DLGAP1: variants seen among roughly 807,000 people sequenced by gnomAD.
The protein encoded by DLGAP1 is DLG associated protein 1.
DLGAP1 carries 11 observed loss-of-function variants against 90.8 expected under a neutral mutation model. The ratio of observed to expected loss-of-function variants is 0.12; its 90% CI spans 0.08 to 0.20. The LOEUF (loss-of-function observed/expected upper bound fraction) is 0.20. DLGAP1 is among the 10% of genes least tolerant of loss of function. The probability of loss-of-function intolerance (pLI) is 1.00; values close to 1 mark genes in which losing one functional copy is unlikely to be tolerated. For missense variants in DLGAP1, 1,050 were observed against 1,333.8 expected, an observed-to-expected ratio of 0.79 and a Z score of 3.31; for synonymous variants, 558 against 540.7, an observed-to-expected ratio of 1.03 and a Z score of -0.44.
chr18:4,122,080 T>C (rs919669524), intron 2 of DLGAP1, among the ~76,000 whole-genome samples: 2 of 152,146 alleles, frequency 1.3e-5, no homozygotes, highest in Non-Finnish European at 1.5e-5. Flanking sequence ...CATGTGGAAG[T>C]GAGCAGGCTA....
Position 4,418,610 on chromosome 18 carries a change from A to C in DLGAP1, c.-267+36396T>G, listed in dbSNP as rs1222669589. ...TCATTAGTAGACTCAACATAGTTGA[A>C]GAAAGAATCAAGGAATTTGAAGATA... is the stretch of plus-strand genomic sequence containing the variant. On this transcript the variant is annotated intron_variant, in intron 1 of 12. Transcript: ENST00000315677. 9.2e-5 allele frequency among the ~76,000 whole-genome samples: 14 copies of C among 152,330 alleles called. 1 individual carries two copies.
At chr18:4,293,239 T>G (rs570350568) in intron 1 of DLGAP1, 3 of 152,344 alleles carry the variant, frequency 2.0e-5, no homozygotes, top group Non-Finnish European at 4.4e-5. Flanking sequence ...TGTATACCAT[T>G]CTGGAACAGA....
chr18:3,683,507 T>C (rs577381681), intron 7 of DLGAP1, among the ~76,000 whole-genome samples: 24 of 152,282 alleles, frequency 1.6e-4, no homozygotes, highest in Admixed American at 1.6e-3. Flanking sequence ...AAAATCTCTA[T>C]TTGGGATGAT....
chr18:4,226,183 A>G (rs1374892003), intron 1 of DLGAP1, among the ~76,000 whole-genome samples: 1 of 152,180 alleles, frequency 6.6e-6, no homozygotes, highest in Non-Finnish European at 1.5e-5. Context: ...TGATCTTAGA[A>G]TAGGATATCC....
rs112859102 is a variant in DLGAP1 at position 4,204,508 on chromosome 18, G to GTT, written c.-266-53223_-266-53222dup. Reference sequence around the variant, plus strand: ...AGTTTTAACTGACAGGACTGTTGTGGTTTTTTTTTTGTTTTTGTTTTTTTT... The same window carrying GTT: ...AGTTTTAACTGACAGGACTGTTGTGGTTTTTTTTTTTTGTTTTTGTTTTTTTT... On this transcript the variant is annotated intron_variant, in intron 1 of 12. Coordinates refer to ENST00000315677, the MANE Select transcript of DLGAP1 (RefSeq NM_004746.4). Among the ~76,000 whole-genome samples the GTT allele has an allele frequency of 7.9e-3, 1,175 of 148,168 alleles. 15 individuals carry two copies. Among genetic ancestry groups the GTT allele is most frequent in the African/African-American group, 0.027 (1,073 of 40,404 alleles).
chr18:4,193,188 A>G (rs552764987), intron 1 of DLGAP1, among the ~76,000 whole-genome samples: 4 of 152,324 alleles, frequency 2.6e-5, no homozygotes, highest in African/African-American at 9.6e-5. Context: ...TCTTCTCAGG[A>G]GCATGCTGCA....
intron 1 of DLGAP1, among the ~76,000 whole-genome samples, chr18:4,167,050 A>G (rs1212344626): frequency 1.3e-5 from 2 of 152,218 alleles, no homozygotes; most frequent in Non-Finnish European, 2.9e-5. Context: ...TTTTACCATA[A>G]TAAATAGACA....
At chr18:4,174,195 A>C (rs1431959851) in intron 1 of DLGAP1, among the ~76,000 whole-genome samples, 1 of 152,084 alleles carries the variant, frequency 6.6e-6, no homozygotes, top group Admixed American at 6.6e-5. Flanking sequence ...AATTCTAACC[A>C]CACCGAATCC....
In DLGAP1 at chr18:4,156,118, C is replaced by A. The variant is rs1017078175; in HGVS notation, c.-266-4831G>T. 2.0e-5 allele frequency among the ~76,000 whole-genome samples: 3 copies of A among 152,182 alleles called. No individual in the cohort carries two copies. In the East Asian group the frequency reaches 5.8e-4, roughly 29 times the overall value. ...GCAACTGGAAGAGTGACCTCGACGT[C>A]GCTGGAGATGAGAAAGGCTGAGTCT... On this transcript the variant is annotated intron_variant, in intron 1 of 12. Transcript: ENST00000315677.
At chr18:4,264,074 G>A (rs2079056403) in intron 1 of DLGAP1, among the ~76,000 whole-genome samples, 1 of 152,118 alleles carries the variant, frequency 6.6e-6, no homozygotes, top group South Asian at 2.1e-4. Flanking sequence ...GTAGGACCAG[G>A]GTTGGTGAGG....
intron 4 of DLGAP1, among the ~76,000 whole-genome samples, chr18:3,850,039 T>C (rs1292225997): frequency 1.3e-5 from 2 of 152,174 alleles, no homozygotes; most frequent in Admixed American, 6.5e-5. Flanking sequence ...TCAATATTAG[T>C]CAAACACATA....
At chr18:4,194,519 C>T (rs2077458506) in intron 1 of DLGAP1, among the ~76,000 whole-genome samples, 1 of 152,180 alleles carries the variant, frequency 6.6e-6, no homozygotes, top group African/African-American at 2.4e-5. Context: ...TTCCCATTAA[C>T]AATTTTATAT....
chr18:4,032,795 C>G (rs191928847), intron 2 of DLGAP1, among the ~76,000 whole-genome samples: 1 of 152,200 alleles, frequency 6.6e-6, no homozygotes, highest in Non-Finnish European at 1.5e-5. Flanking sequence ...TTTAAATTAT[C>G]TTAAGGATTG....
At chr18:3,926,411 T>TACACAC (rs1302685888) in intron 3 of DLGAP1, among the ~76,000 whole-genome samples, 27 of 51,720 alleles carry the variant, frequency 5.2e-4, no homozygotes, top group African/African-American at 1.4e-3. Flanking sequence ...CATATATATA[T>TACACAC]ATATATATAT....
chr18:3,915,459 C>G (rs569677804), intron 3 of DLGAP1, among the ~76,000 whole-genome samples: 1 of 152,186 alleles, frequency 6.6e-6, no homozygotes, highest in South Asian at 2.1e-4. Context: ...CCAGTTATGA[C>G]TTAGCAAGGT....
intron 10 of DLGAP1, among the ~76,000 whole-genome samples, chr18:3,531,576 C>A (rs1055745377): frequency 6.6e-6 from 1 of 152,068 alleles, no homozygotes; most frequent in Admixed American, 6.5e-5. Context: ...CTCAATCTCA[C>A]GGGTTCAAGC....
At position 4,298,277 on chromosome 18, in the gene DLGAP1, G is replaced by A. The variant is rs140179604; in HGVS notation, c.-266-146990C>T. Among the ~76,000 whole-genome samples, 758 of 152,150 alleles carry A rather than the reference G, an allele frequency of 5.0e-3. 4 individuals carry two copies. Among genetic ancestry groups the A allele is most frequent in the Non-Finnish European group, 8.3e-3 (567 of 67,996 alleles). On this transcript the variant is annotated intron_variant, in intron 1 of 12. Coordinates refer to ENST00000315677, the MANE Select transcript of DLGAP1 (RefSeq NM_004746.4). Reference sequence around the variant, plus strand: ...TGTGTTTGCTTGAAAGAAAATTTGCGTATACACAAATCTGTGCAGGTCAAA... The same window carrying A: ...TGTGTTTGCTTGAAAGAAAATTTGCATATACACAAATCTGTGCAGGTCAAA...
At chr18:4,312,397 T>C (rs1432338907) in intron 1 of DLGAP1, among the ~76,000 whole-genome samples, 1 of 152,186 alleles carries the variant, frequency 6.6e-6, no homozygotes, top group Non-Finnish European at 1.5e-5. Context: ...TGGTCCCCAA[T>C]TTATGATGGT....
chr18:3,814,519 G>A (rs902373324), intron 4 of DLGAP1, among the ~76,000 whole-genome samples: 2 of 151,780 alleles, frequency 1.3e-5, no homozygotes, highest in African/African-American at 4.8e-5. Context: ...CTGCCACCAC[G>A]CCTGGCTAAT....
Sources: gnomAD v4.1 joint callset for allele counts (sites outside exome capture counted in the v4.1 genomes callset) on GRCh38, gnomAD v4.1.1 for gene constraint, MANE v1.5 for transcripts, NCBI Gene and HGNC (gene_info 2026-07-23, HGNC 2026-07-21) for gene names.